The following SPHK1 variants were observed in gnomAD, a reference collection of about 807,000 sequenced individuals.
SPHK1 encodes SK 1.
SPHK1 carries 10 observed loss-of-function variants against 14.6 expected under a neutral mutation model. The observed-to-expected ratio is 0.68, with a 90% CI of 0.42 to 1.16. The LOEUF is 1.16. Ranked by LOEUF, SPHK1 falls within the 50% of genes most tolerant of loss-of-function variation. SPHK1 has a pLI of 0.00. For synonymous variants in SPHK1, 274 were observed against 224.0 expected (o/e 1.22, Z -1.99); for missense variants, 553 against 525.4 (o/e 1.05, Z -0.51).
In SPHK1 at chr17:76,385,258, C is replaced by T; in HGVS notation, c.-194-193C>T. 2 of 1,514,368 alleles carry T rather than the reference C, an allele frequency of 1.3e-6. No homozygotes were observed. Among genetic ancestry groups the T allele is most frequent in the South Asian group, 1.2e-5 (1 of 80,096 alleles). The allele number at this position is 1,514,368 out of a possible 1,614,324, so 93.8% of individuals were successfully genotyped here. A position where few individuals can be genotyped will look rare whatever the true frequency, so the allele number is the denominator to read the frequency against. ...ACCCCAAGCCCCAGGGAGAAAGCCCCGGAGCAGGCGCCCTTCTCAGGGATT... is the reference window on the plus strand; with the variant it reads ...ACCCCAAGCCCCAGGGAGAAAGCCCTGGAGCAGGCGCCCTTCTCAGGGATT... On this transcript the variant is annotated intron_variant, in intron 1 of 5. Coordinates refer to ENST00000592299, the MANE Select transcript of SPHK1 (RefSeq NM_001142601.2). This position sits in a 1 kb window ranked among gnomAD's most constrained non-coding sequence, Gnocchi z 5.3.
chr17:76,383,949 G>A, upstream of SPHK1: 1 of 1,081,050 alleles, frequency 9.3e-7, no homozygotes, highest in Non-Finnish European at 1.2e-6. Flanking sequence ...GCTCTACCCG[G>A]GACAGCGCGC....
In SPHK1 at chr17:76,386,573, T is replaced by G. The variant is rs545825100; in HGVS notation, c.374+65T>G. ...TGCTCCTCTACCGCGGGGGTTTTCT[T>G]GTCTAAGCTCCCATAGGCTGAGATC... On this transcript the variant is annotated intron_variant, in intron 5 of 5. Coordinates refer to ENST00000592299, the MANE Select transcript of SPHK1 (RefSeq NM_001142601.2). The surrounding 1 kb of genome is among the most constrained non-coding windows in gnomAD (Gnocchi z 5.3). The G allele has an allele frequency of 6.8e-7, 1 of 1,466,316 alleles. No homozygotes were observed. The highest frequency in any genetic ancestry group is 1.4e-5 in the African/African-American group (1 of 71,662). The allele number at this position is 1,466,316 out of a possible 1,614,324, so 90.8% of individuals were successfully genotyped here.
chr17:76,387,435 A>C lies in SPHK1; in HGVS notation c.1004A>C (p.Lys335Thr). ...VAFRLEPKDG[K>T]GVFAVDGELM... ...TTCCGCTTGGAGCCCAAGGATGGGA[A>C]AGGTGTGTTTGCAGTGGATGGGGAA... The change falls in exon 6 of 6, where the codon AAA (lysine) becomes ACA (threonine). Residue 335 changes from lysine to threonine, a missense_variant. Coordinates refer to ENST00000592299, the MANE Select transcript of SPHK1 (RefSeq NM_001142601.2). This position sits in a 1 kb window ranked among gnomAD's most constrained non-coding sequence, Gnocchi z 4.1. 1 of 1,613,694 alleles carries C rather than the reference A, an allele frequency of 6.2e-7. No homozygotes were observed. The highest frequency in any genetic ancestry group is 1.1e-5 in the South Asian group (1 of 91,080).
Position 76,386,384 on chromosome 17 carries a change from C to T in SPHK1, c.259-9C>T. On this transcript the variant is annotated splice_polypyrimidine_tract_variant and intron_variant, in intron 4 of 5. Coordinates refer to ENST00000592299, the MANE Select transcript of SPHK1 (RefSeq NM_001142601.2). The surrounding 1 kb of genome is among the most constrained non-coding windows in gnomAD (Gnocchi z 5.3). ...GCGTCCCAGGCTGAGGCCACGTGTG[C>T]TTCAACAGGTGGTGAACGGGCTCAT... 1 of 1,609,334 alleles carries T rather than the reference C, an allele frequency of 6.2e-7. No individual in the cohort carries two copies. Among genetic ancestry groups the T allele is most frequent in the South Asian group, 1.1e-5 (1 of 90,872 alleles).
rs17851157 is a variant in SPHK1, at chr17:76,387,415, C to T, written c.984C>T (p.Arg328=). Residue 328 remains arginine, a synonymous_variant, in exon 6 of 6, where the codon CGC becomes CGT. Transcript: ENST00000592299. This position sits in a 1 kb window ranked among gnomAD's most constrained non-coding sequence, Gnocchi z 4.1. ...TATATGTGCCCGTGGTCGCCTTCCG[C>T]TTGGAGCCCAAGGATGGGAAAGGTG... ...YLVYVPVVAF[R]LEPKDGKGVF... 6.2e-7 allele frequency: 1 copy of T among 1,613,804 alleles called. No homozygotes were observed.
rs993495646 is a variant in SPHK1, at chr17:76,385,891, T to C, written c.11-94T>C. 17 of 1,497,526 alleles carry C rather than the reference T, an allele frequency of 1.1e-5. No individual in the cohort carries two copies. The highest frequency in any genetic ancestry group is 1.5e-5 in the Non-Finnish European group (17 of 1,119,144). The allele number at this position is 1,497,526 out of a possible 1,614,324, so 92.8% of individuals were successfully genotyped here. A position where few individuals can be genotyped will look rare whatever the true frequency, so the allele number is the denominator to read the frequency against. On this transcript the variant is annotated intron_variant, in intron 2 of 5. Coordinates refer to ENST00000592299, the MANE Select transcript of SPHK1 (RefSeq NM_001142601.2). The surrounding 1 kb of genome is among the most constrained non-coding windows in gnomAD (Gnocchi z 5.3). Reference sequence around the variant, plus strand: ...GGCCAGGGTCAATTACCGGGGTGTTTCGGGCACCAAGTTCCCACACTAGTG... The same window carrying C: ...GGCCAGGGTCAATTACCGGGGTGTTCCGGGCACCAAGTTCCCACACTAGTG...
chr17:76,385,877 A>AT lies in SPHK1; in HGVS notation c.11-106dup. On this transcript the variant is annotated intron_variant, in intron 2 of 5. Transcript: ENST00000592299. This position sits in a 1 kb window ranked among gnomAD's most constrained non-coding sequence, Gnocchi z 5.3. ...AAGGCCGCTCCTCTGGCCAGGGTCA[A>AT]TTACCGGGGTGTTTCGGGCACCAAG... 2.0e-6 allele frequency: 3 copies of AT among 1,489,826 alleles called. No individual in the cohort carries two copies. In the South Asian group the frequency reaches 3.9e-5, roughly 19 times the overall value. 92.3% of individuals were successfully genotyped at this position (1,489,826 alleles called of 1,614,324 possible).
In SPHK1 at chr17:76,385,016, C is replaced by G. The variant is rs2071936557; in HGVS notation, c.-195+210C>G. ...GCGGGGCCCTGAGAAGCGCGCGCCG[C>G]GGCTCCCACCGCTCTGGAGCTCCGG... On this transcript the variant is annotated intron_variant, in intron 1 of 5. Transcript: ENST00000592299. This position sits in a 1 kb window ranked among gnomAD's most constrained non-coding sequence, Gnocchi z 5.3. 6.9e-7 allele frequency: 1 copy of G among 1,440,620 alleles called. No homozygotes were observed. Among genetic ancestry groups the G allele is most frequent in the Non-Finnish European group, 9.3e-7 (1 of 1,069,686 alleles). 89.2% of individuals were successfully genotyped at this position (1,440,620 alleles called of 1,614,324 possible). A position where few individuals can be genotyped will look rare whatever the true frequency, so the allele number is the denominator to read the frequency against.
At position 76,384,759 on chromosome 17, in the gene SPHK1, A is replaced by C; in HGVS notation, c.-242A>C. 1 of 203,904 alleles carries C rather than the reference A, an allele frequency of 4.9e-6. No homozygotes were observed. Among genetic ancestry groups the C allele is most frequent in the Non-Finnish European group, 9.8e-6 (1 of 102,108 alleles). 12.6% of individuals were successfully genotyped at this position (203,904 alleles called of 1,614,324 possible). On this transcript the variant is annotated 5_prime_UTR_variant, in exon 1 of 6. Coordinates refer to ENST00000592299, the MANE Select transcript of SPHK1 (RefSeq NM_001142601.2). ...GACGAGCTGCGTTCCGCCCCAGGCC[A>C]CTGTAGGGAACGGCGGTGGCGCCTC...
chr17:76,383,902 G>A, upstream of SPHK1: 2 of 1,223,108 alleles, frequency 1.6e-6, no homozygotes, highest in Non-Finnish European at 2.1e-6. Flanking sequence ...ACACTGTCAA[G>A]CCTCCTCTCC....
rs1329900380 is a variant in SPHK1, at chr17:76,384,696, C to G, written c.-305C>G. Reference sequence around the variant, plus strand: ...AGCGAGGCCGGGGAGTCCGCTCCAGCGGGGCGCTCCAGTCCCTCAGACGTG... The same window carrying G: ...AGCGAGGCCGGGGAGTCCGCTCCAGGGGGGCGCTCCAGTCCCTCAGACGTG... On this transcript the variant is annotated 5_prime_UTR_variant, in exon 1 of 6. Coordinates refer to ENST00000592299, the MANE Select transcript of SPHK1 (RefSeq NM_001142601.2). 1 of 159,784 alleles carries G rather than the reference C, an allele frequency of 6.3e-6. No homozygotes were observed. Among genetic ancestry groups the G allele is most frequent in the African/African-American group, 2.4e-5 (1 of 41,768 alleles). 9.9% of individuals were successfully genotyped at this position (159,784 alleles called of 1,614,324 possible). A position where few individuals can be genotyped will look rare whatever the true frequency, so the allele number is the denominator to read the frequency against.
upstream of SPHK1, chr17:76,384,228 C>G (rs1019277392): frequency 6.5e-6 from 1 of 152,834 alleles, no homozygotes; most frequent in Non-Finnish European, 1.5e-5. Flanking sequence ...CCCGGGAGAG[C>G]GGAGCCGCGC....
At position 76,387,064 on chromosome 17, in the gene SPHK1, C is replaced by T. The variant is rs1567824079; in HGVS notation, c.633C>T (p.Ala211=). The T allele has an allele frequency of 3.1e-6, 5 of 1,613,518 alleles. No homozygotes were observed. The highest frequency in any genetic ancestry group is 4.2e-6 in the Non-Finnish European group (5 of 1,180,032). The change falls in exon 6 of 6, where the codon GCC becomes GCT. Residue 211 remains alanine (A), a synonymous_variant. Transcript: ENST00000592299. This position sits in a 1 kb window ranked among gnomAD's most constrained non-coding sequence, Gnocchi z 4.1. ...TGCGCACCTACCGCGGCCGACTGGC[C>T]TACCTCCCTGTAGGAAGAGTGGGTT... ...AALRTYRGRL[A]YLPVGRVGSK... is the part of the protein sequence containing the mutation.
upstream of SPHK1, chr17:76,383,986 G>A: frequency 1.3e-6 from 1 of 750,418 alleles, no homozygotes; most frequent in Non-Finnish European, 1.8e-6. Context: ...CGGTAGCCCA[G>A]CTGCAGCGTC....
Position 76,386,061 on chromosome 17 carries a change from G to T in SPHK1, c.87G>T (p.Lys29Asn). The stretch of plus-strand genomic sequence containing the variant: ...TGAACCCGCGCGGCGGCAAGGGCAA[G>T]GCCTTGCAGCTCTTCCGGAGTCACG... ...VLLNPRGGKG[K>N]ALQLFRSHVQ... The change falls in exon 3 of 6, where the codon AAG (lysine) becomes AAT (asparagine). Residue 29 changes from lysine to asparagine, a missense_variant. Transcript: ENST00000592299. The surrounding 1 kb of genome is among the most constrained non-coding windows in gnomAD (Gnocchi z 5.3). 6.2e-7 allele frequency: 1 copy of T among 1,608,392 alleles called. No homozygotes were observed.
chr17:76,387,247 G>A lies in SPHK1; in HGVS notation c.816G>A (p.Met272Ile). ...ALLHSHLGSEMFAAPMGRCAA... is the reference protein window; with the variant it reads ...ALLHSHLGSEIFAAPMGRCAA... ...TGCACTCGCACCTGGGCAGTGAGAT[G>A]TTTGCTGCACCCATGGGCCGCTGTG... Residue 272 changes from methionine to isoleucine, a missense_variant, in exon 6 of 6, where the codon ATG becomes ATA. Met to Ile is a conservative substitution (Grantham distance 10). Transcript: ENST00000592299. The surrounding 1 kb of genome is among the most constrained non-coding windows in gnomAD (Gnocchi z 4.1). The A allele has an allele frequency of 6.2e-7, 1 of 1,613,372 alleles. No individual in the cohort carries two copies. Among genetic ancestry groups the A allele is most frequent in the East Asian group, 2.2e-5 (1 of 44,864 alleles).
Position 76,384,965 on chromosome 17 carries a change from A to G in SPHK1, c.-195+159A>G, listed in dbSNP as rs542299011. 6.4e-5 allele frequency: 63 copies of G among 984,348 alleles called. No individual in the cohort carries two copies. The African/African-American group carries it at 7.5e-4, about 12-fold the overall frequency. 61.0% of individuals were successfully genotyped at this position (984,348 alleles called of 1,614,324 possible). A position where few individuals can be genotyped will look rare whatever the true frequency, so the allele number is the denominator to read the frequency against. On this transcript the variant is annotated intron_variant, in intron 1 of 5. Coordinates refer to ENST00000592299, the MANE Select transcript of SPHK1 (RefSeq NM_001142601.2). ...TTGGCGCGACCCGGGAGCGGCTCCC[A>G]CGAGCGCCGCGCGCGTCGCAACGGA...
At position 76,385,697 on chromosome 17, in the gene SPHK1, G is replaced by T; in HGVS notation, c.10+43G>T. 6.6e-7 allele frequency: 1 copy of T among 1,510,600 alleles called. No homozygotes were observed. Among genetic ancestry groups the T allele is most frequent in the Non-Finnish European group, 8.9e-7 (1 of 1,126,298 alleles). 93.6% of individuals were successfully genotyped at this position (1,510,600 alleles called of 1,614,324 possible). A position where few individuals can be genotyped will look rare whatever the true frequency, so the allele number is the denominator to read the frequency against. ...TGGGAAGGGCTGTAGGGGGATTCCT[G>T]TTCCTCGCCAGGAATGATGGAACGC... On this transcript the variant is annotated intron_variant, in intron 2 of 5. Transcript: ENST00000592299. The surrounding 1 kb of genome is among the most constrained non-coding windows in gnomAD (Gnocchi z 5.3).
In SPHK1 at chr17:76,387,599, G is replaced by A. The variant is rs780517638; in HGVS notation, c.*13G>A. 45 of 1,564,902 alleles carry A rather than the reference G, an allele frequency of 2.9e-5. No homozygotes were observed. In the Admixed American group the frequency reaches 5.0e-4, roughly 17 times the overall value. On this transcript the variant is annotated 3_prime_UTR_variant, in exon 6 of 6. Coordinates refer to ENST00000592299, the MANE Select transcript of SPHK1 (RefSeq NM_001142601.2). The surrounding 1 kb of genome is among the most constrained non-coding windows in gnomAD (Gnocchi z 4.1). ...AGAGCCCTTATGACCCCTGGGCCGCGCTGTGCCTTAGTGTCTACTTGCAGG... is the reference window on the plus strand; with the variant it reads ...AGAGCCCTTATGACCCCTGGGCCGCACTGTGCCTTAGTGTCTACTTGCAGG...
Sources: allele counts gnomAD v4.1 joint callset, GRCh38; gene constraint gnomAD v4.1.1; non-coding constraint Gnocchi (gnomAD v3.1); transcripts MANE v1.5; gene names NCBI Gene and HGNC (gene_info 2026-07-23, HGNC 2026-07-21).